MACROD2: variants seen among roughly 807,000 people sequenced by gnomAD.
The protein encoded by MACROD2 is mono-ADP ribosylhydrolase 2.
A neutral mutation model predicts 70.4 loss-of-function variants in MACROD2; 36 were observed. The observed-to-expected ratio is 0.51, with a 90% CI of 0.39 to 0.68. The LOEUF (loss-of-function observed/expected upper bound fraction) is 0.68. Ranked by LOEUF, MACROD2 falls within the 30% of genes least tolerant of loss-of-function variation. MACROD2 has a pLI of 0.00. For synonymous variants in MACROD2, 172 were observed against 178.8 expected (o/e 0.96, Z 0.30); for missense variants, 496 against 538.4 (o/e 0.92, Z 0.78).
rs927734349 is a variant in MACROD2 at position 14,303,096 on chromosome 20, A to G, written c.272-190383A>G. Among the ~76,000 whole-genome samples, 8 of 152,144 alleles carry G rather than the reference A, an allele frequency of 5.3e-5. 1 individual carries two copies. The highest frequency in any genetic ancestry group is 2.6e-4 in the Admixed American group (4 of 15,272). On this transcript the variant is annotated intron_variant, in intron 3 of 17. Coordinates refer to ENST00000684519, the MANE Select transcript of MACROD2 (RefSeq NM_001351661.2). ...CAGTGGAGAGGTGGAGCCACTTACT[A>G]TGGCTTATATTTATGGTAAAGGCAG...
chr20:14,107,868 A>G (rs2054392001), intron 3 of MACROD2, among the ~76,000 whole-genome samples: 1 of 152,196 alleles, frequency 6.6e-6, no homozygotes, highest in Non-Finnish European at 1.5e-5. Context: ...TTGACCTACA[A>G]GAAATCCTAA....
chr20:14,327,503 T>C, intron 3 of MACROD2: 1 of 1,611,016 alleles, frequency 6.2e-7, no homozygotes, highest in Middle Eastern at 1.7e-4. Context: ...GCTGCGCTGA[T>C]CATGGTCAGC....
chr20:15,329,993 C>T (rs776361341), intron 6 of MACROD2, among the ~76,000 whole-genome samples: 1 of 152,010 alleles, frequency 6.6e-6, no homozygotes, highest in Non-Finnish European at 1.5e-5. Flanking sequence ...TCTGAAGACA[C>T]CGGGACATAG....
chr20:15,805,410 T>A (rs2063760194), intron 8 of MACROD2, among the ~76,000 whole-genome samples: 1 of 151,970 alleles, frequency 6.6e-6, no homozygotes, highest in Non-Finnish European at 1.5e-5. Flanking sequence ...ATTGTTATGG[T>A]TATCTAGGGG....
intron 2 of MACROD2, among the ~76,000 whole-genome samples, chr20:14,037,052 A>G (rs973934678): frequency 6.6e-6 from 1 of 152,220 alleles, no homozygotes. Context: ...TGGAGCTTGA[A>G]ATAATGAAGC....
chr20:15,368,222 C>A (rs1219100654), intron 6 of MACROD2, among the ~76,000 whole-genome samples: 1 of 151,944 alleles, frequency 6.6e-6, no homozygotes, highest in African/African-American at 2.4e-5. Flanking sequence ...GACTCTCAGG[C>A]CCACCCCCGC....
At chr20:14,813,068 T>G (rs756449521) in intron 5 of MACROD2, among the ~76,000 whole-genome samples, 2 of 143,654 alleles carry the variant, frequency 1.4e-5, no homozygotes, top group East Asian at 1.9e-4. Flanking sequence ...TTAATTTTTG[T>G]TTTTTTTTAC....
chr20:15,306,670 A>G (rs6079740), intron 6 of MACROD2, among the ~76,000 whole-genome samples: 71,097 of 151,860 alleles, frequency 0.47, 17,199 homozygotes, highest in East Asian at 0.63. Context: ...AGAAGAAAGG[A>G]CTTCCCTGTG....
At chr20:14,361,923 T>A (rs1243431192) in intron 3 of MACROD2, among the ~76,000 whole-genome samples, 2 of 152,262 alleles carry the variant, frequency 1.3e-5, no homozygotes, top group East Asian at 3.8e-4. Context: ...TTTCTTTGTC[T>A]GTGCCCAGCA....
intron 5 of MACROD2, among the ~76,000 whole-genome samples, chr20:14,686,057 G>A (rs943207557): frequency 6.6e-5 from 10 of 151,958 alleles, no homozygotes; most frequent in African/African-American, 2.4e-4. Flanking sequence ...ATATAATATT[G>A]CATCCTATAT....
chr20:15,323,759 C>G (rs1161498427), intron 6 of MACROD2, among the ~76,000 whole-genome samples: 3 of 152,078 alleles, frequency 2.0e-5, no homozygotes, highest in Admixed American at 6.6e-5. Context: ...TTTTATGACT[C>G]TAGTTTATAC....
intron 3 of MACROD2, among the ~76,000 whole-genome samples, chr20:14,139,514 T>G (rs1030393106): frequency 1.3e-5 from 2 of 152,250 alleles, no homozygotes; most frequent in African/African-American, 4.8e-5. Context: ...TTCCCCATAC[T>G]TATATATTTT....
chr20:14,676,591 C>T (rs1242863434), intron 4 of MACROD2, among the ~76,000 whole-genome samples: 1 of 152,150 alleles, frequency 6.6e-6, no homozygotes, highest in African/African-American at 2.4e-5. Flanking sequence ...ATTTATAGCA[C>T]TAAATGCCCA....
intron 3 of MACROD2, among the ~76,000 whole-genome samples, chr20:14,306,357 G>A (rs376482366): frequency 3.9e-5 from 6 of 152,006 alleles, no homozygotes; most frequent in African/African-American, 1.5e-4. Context: ...AAAAATTCAG[G>A]CTTGAGGACA....
intron 6 of MACROD2, among the ~76,000 whole-genome samples, chr20:15,340,283 G>A (rs537590727): frequency 6.6e-6 from 1 of 151,254 alleles, no homozygotes; most frequent in East Asian, 2.0e-4. Flanking sequence ...CATTACAGGT[G>A]CCCACCACCA....
chr20:14,562,239 G>A (rs1460285059), intron 4 of MACROD2, among the ~76,000 whole-genome samples: 1 of 151,640 alleles, frequency 6.6e-6, no homozygotes, highest in Non-Finnish European at 1.5e-5. Context: ...AAAGAGATTT[G>A]GAAACAGAAC....
intron 5 of MACROD2, among the ~76,000 whole-genome samples, chr20:15,175,236 C>T (rs1242441667): frequency 1.5e-5 from 2 of 131,608 alleles, no homozygotes; most frequent in Non-Finnish European, 3.0e-5. Context: ...AATGAGAACA[C>T]ATGGATACAA....
chr20:15,442,302 G>A (rs948698080), intron 7 of MACROD2, among the ~76,000 whole-genome samples: 2 of 152,052 alleles, frequency 1.3e-5, no homozygotes, highest in Non-Finnish European at 2.9e-5. Flanking sequence ...ATATTAGTTA[G>A]GGTAAAGTTA....
At chr20:15,823,591 G>C (rs1273932632) in intron 8 of MACROD2, among the ~76,000 whole-genome samples, 1 of 152,174 alleles carries the variant, frequency 6.6e-6, no homozygotes, top group Non-Finnish European at 1.5e-5. Context: ...TTAAATAGCG[G>C]TCATCACGGC....
Sources: gnomAD v4.1 joint callset for allele counts (sites outside exome capture counted in the v4.1 genomes callset) on GRCh38, gnomAD v4.1.1 for gene constraint, MANE v1.5 for transcripts, NCBI Gene and HGNC (gene_info 2026-07-23, HGNC 2026-07-21) for gene names.